FAM13B: variants seen among roughly 807,000 people sequenced by gnomAD.
The protein encoded by FAM13B is family with sequence similarity 13 member B.
FAM13B carries 60 observed loss-of-function variants against 117.3 expected under a neutral mutation model. That is an observed-to-expected ratio of 0.51 (90% CI 0.42 to 0.63). The LOEUF (loss-of-function observed/expected upper bound fraction) is 0.63. Among genes scored for constraint, FAM13B ranks in the 30% least tolerant of loss-of-function variants. FAM13B has a pLI of 0.00. For synonymous variants in FAM13B, 332 were observed against 356.1 expected (o/e 0.93, Z 0.76); for missense variants, 972 against 1,091.9 (o/e 0.89, Z 1.55).
intron 7 of FAM13B, among the ~76,000 whole-genome samples, chr5:137,995,907 C>T (rs1036462529): frequency 4.6e-5 from 7 of 152,092 alleles, no homozygotes; most frequent in Non-Finnish European, 1.0e-4. Flanking sequence ...TTGTTACTGC[C>T]CAACATTTCT....
intron 7 of FAM13B, among the ~76,000 whole-genome samples, chr5:137,992,435 A>C (rs1276127228): frequency 6.6e-6 from 1 of 151,730 alleles, no homozygotes; most frequent in Non-Finnish European, 1.5e-5. Context: ...CTCTACTAAA[A>C]ATACAAAAAT....
At chr5:137,992,712 G>A (rs542659980) in intron 7 of FAM13B, among the ~76,000 whole-genome samples, 101 of 152,284 alleles carry the variant, frequency 6.6e-4, no homozygotes, top group Middle Eastern at 3.4e-3. Flanking sequence ...ATGAAATACT[G>A]TTATATGCTC....
rs1484101748 is a variant in FAM13B at position 137,956,466 on chromosome 5, A to C, written c.1507+11T>G. 3.2e-6 allele frequency: 5 copies of C among 1,582,072 alleles called. No homozygotes were observed. The African/African-American group carries it at 6.7e-5, about 21-fold the overall frequency. On this transcript the variant is annotated intron_variant, in intron 14 of 23. Coordinates refer to ENST00000689681, the MANE Select transcript of FAM13B (RefSeq NM_001385994.1). ...AGGCAAAAAAACTAAACTATGGTGA[A>C]CCATACTTACCCTCCCCATCTCTCT...
intron 10 of FAM13B, among the ~76,000 whole-genome samples, 187 bp downstream of exon 10, chr5:137,985,070 A>G (rs1283063603): frequency 6.6e-6 from 1 of 152,198 alleles, no homozygotes; most frequent in African/African-American, 2.4e-5. Context: ...CACCCAGCCA[A>G]TAAGTTGTTT....
At chr5:137,968,051 G>A (rs776657162) in intron 10 of FAM13B, among the ~76,000 whole-genome samples, 6 of 151,684 alleles carry the variant, frequency 4.0e-5, no homozygotes, top group Non-Finnish European at 7.4e-5. Flanking sequence ...GTGAAACCCC[G>A]TCTCTACTAA....
intron 1 of FAM13B, among the ~76,000 whole-genome samples, chr5:138,038,888 C>T (rs377485410): frequency 1.5e-4 from 23 of 152,292 alleles, no homozygotes; most frequent in African/African-American, 5.5e-4. Context: ...CCTGGAAAAG[C>T]TTCATCTTAC....
At chr5:137,947,379 T>G (rs1046309294) in intron 18 of FAM13B, among the ~76,000 whole-genome samples, 1 of 152,194 alleles carries the variant, frequency 6.6e-6, no homozygotes, top group Non-Finnish European at 1.5e-5. Context: ...CTTGAATCAG[T>G]CTTAAACCAA....
upstream of FAM13B, chr5:138,037,132 A>G (rs977781337): frequency 1.2e-5 from 2 of 169,022 alleles, no homozygotes; most frequent in Admixed American, 5.5e-5. Flanking sequence ...ACATTTCAAT[A>G]TATCAATAGA....
chr5:138,049,118 T>G (rs1791725080), intron 1 of FAM13B, among the ~76,000 whole-genome samples: 1 of 151,944 alleles, frequency 6.6e-6, no homozygotes, highest in Admixed American at 6.6e-5. Context: ...ATTTTTGTAT[T>G]TTTAGTAGAG....
At position 137,942,270 on chromosome 5, in the gene FAM13B, A is replaced by G. The variant is rs1424763772; in HGVS notation, c.2589-225T>C. The stretch of plus-strand genomic sequence containing the variant: ...GGGCTCAGAACCAGTGACATACACC[A>G]TATCATCCAAAGGTAAAGAAGTGGA... On this transcript the variant is annotated intron_variant, in intron 22 of 23. Coordinates refer to ENST00000689681, the MANE Select transcript of FAM13B (RefSeq NM_001385994.1). 23 of 537,088 alleles carry G rather than the reference A, an allele frequency of 4.3e-5. No homozygotes were observed. In the East Asian group the frequency reaches 4.7e-4, roughly 11 times the overall value. The allele number at this position is 537,088 out of a possible 1,614,324, so 33.3% of individuals were successfully genotyped here.
chr5:137,942,087 C>G (rs773434415), intron 22 of FAM13B, 42 bp from the exon 23 acceptor site: 1 of 1,499,456 alleles, frequency 6.7e-7, no homozygotes, highest in South Asian at 1.1e-5. Context: ...ACACTTGATT[C>G]ATTATATTCT....
chr5:137,959,871 C>CTAT, intron 12 of FAM13B, 108 bp from the exon 13 acceptor site: 2 of 1,066,908 alleles, frequency 1.9e-6, no homozygotes, highest in Non-Finnish European at 2.7e-6. Flanking sequence ...TTTACTGTGC[C>CTAT]TATACAGCCA....
chr5:138,011,161 A>T lies in FAM13B; in HGVS notation c.549-12T>A, dbSNP rs1398177743. The stretch of plus-strand genomic sequence containing the variant: ...CATCTGTGTAAATGCTAAGAATAGA[A>T]GTCCAAATTGAATTGAGAGTTCTTA... On this transcript the variant is annotated splice_polypyrimidine_tract_variant and intron_variant, in intron 5 of 23. Transcript: ENST00000689681. 5 of 1,591,820 alleles carry T rather than the reference A, an allele frequency of 3.1e-6. No homozygotes were observed. In the African/African-American group the frequency reaches 6.8e-5, roughly 22 times the overall value.
intron 19 of FAM13B, 109 bp downstream of exon 19, chr5:137,946,119 T>C: frequency 8.1e-7 from 1 of 1,229,052 alleles, no homozygotes; most frequent in South Asian, 1.3e-5. Flanking sequence ...ATCCCCCAAT[T>C]GTAGGAAATA....
chr5:137,974,462 G>A (rs1272889702), intron 10 of FAM13B, among the ~76,000 whole-genome samples: 1 of 101,338 alleles, frequency 9.9e-6, no homozygotes, highest in Non-Finnish European at 1.9e-5. Flanking sequence ...ACTGTTGTGG[G>A]GTGGGGGGAG....
At chr5:138,050,993 A>T (rs1314161842) in intron 1 of FAM13B, among the ~76,000 whole-genome samples, 1 of 152,190 alleles carries the variant, frequency 6.6e-6, no homozygotes, top group Non-Finnish European at 1.5e-5. Flanking sequence ...ATTTAGAAGA[A>T]TAAAGAAAAG....
rs1379311350 is a variant in FAM13B at position 138,050,450 on chromosome 5, CAAA to C, written c.-203+1425_-203+1427del. Among the ~76,000 whole-genome samples the C allele has an allele frequency of 9.2e-5, 14 of 151,940 alleles. No individual in the cohort carries two copies. The South Asian group carries it at 2.1e-3, about 23-fold the overall frequency. On this transcript the variant is annotated intron_variant, in intron 1 of 3. Transcript: ENST00000502471. ...GAAACTCCGTCTCAAAACAAACAAA[CAAA>C]CAAACAAACAAACAGACAAAACATC...
chr5:137,969,092 C>G (rs1034819701), intron 10 of FAM13B, among the ~76,000 whole-genome samples: 1 of 152,252 alleles, frequency 6.6e-6, no homozygotes, highest in Non-Finnish European at 1.5e-5. Flanking sequence ...GAAGCTCTAA[C>G]TGGGTGGAGC....
At chr5:138,049,107 A>G (rs1791724890) in intron 1 of FAM13B, among the ~76,000 whole-genome samples, 1 of 151,590 alleles carries the variant, frequency 6.6e-6, no homozygotes, top group South Asian at 2.1e-4. Flanking sequence ...GCGCCCAGCT[A>G]ATTTTTGTAT....
Sources: gnomAD v4.1 joint callset for allele counts (sites outside exome capture counted in the v4.1 genomes callset) on GRCh38, gnomAD v4.1.1 for gene constraint, MANE v1.5 for transcripts, NCBI Gene and HGNC (gene_info 2026-07-23, HGNC 2026-07-21) for gene names.